Variants in ZBTB7C observed in about 807,000 individuals in gnomAD.
ZBTB7C encodes zinc finger and BTB domain-containing protein 7C.
ZBTB7C carries 8 observed loss-of-function variants against 25.7 expected under a neutral mutation model. The observed-to-expected ratio is 0.31, with a 90% CI of 0.18 to 0.56. The LOEUF is 0.56. ZBTB7C is among the 20% of genes least tolerant of loss of function. ZBTB7C has a pLI of 0.91. For synonymous variants in ZBTB7C, 394 were observed against 369.0 expected, an observed-to-expected ratio of 1.07 and a Z score of -0.78; for missense variants, 824 against 855.2, an observed-to-expected ratio of 0.96 and a Z score of 0.46.
chr18:48,120,118 T>C (rs771859183), intron 3 of ZBTB7C, among the ~76,000 whole-genome samples: 2 of 152,144 alleles, frequency 1.3e-5, no homozygotes, highest in Non-Finnish European at 2.9e-5. Context: ...AGCAAGACCT[T>C]GGGCCACAGT....
chr18:48,131,471 T>G (rs1255905976), intron 3 of ZBTB7C, among the ~76,000 whole-genome samples: 5 of 148,518 alleles, frequency 3.4e-5, no homozygotes, highest in Non-Finnish European at 6.0e-5. Context: ...AGGATAGTTG[T>G]TTTTTTTTTT....
At chr18:48,386,594 A>G (rs2047754550) in intron 1 of ZBTB7C, among the ~76,000 whole-genome samples, 1 of 152,260 alleles carries the variant, frequency 6.6e-6, no homozygotes, top group African/African-American at 2.4e-5. Flanking sequence ...GAGATATACA[A>G]AAACAACCTT....
At chr18:48,308,097 A>G (rs1171691804) in intron 2 of ZBTB7C, among the ~76,000 whole-genome samples, 1 of 152,188 alleles carries the variant, frequency 6.6e-6, no homozygotes, top group Non-Finnish European at 1.5e-5. Context: ...AGGCACCCAA[A>G]AGACACCAGC....
chr18:48,280,576 A>G (rs2044809430), intron 2 of ZBTB7C, among the ~76,000 whole-genome samples: 1 of 152,140 alleles, frequency 6.6e-6, no homozygotes, highest in Admixed American at 6.5e-5. Flanking sequence ...GCTCACAGTC[A>G]TCTGCACAAC....
chr18:48,316,115 G>GCCACCCCACA (rs2045942175), intron 2 of ZBTB7C, among the ~76,000 whole-genome samples: 1 of 151,884 alleles, frequency 6.6e-6, no homozygotes, highest in Admixed American at 6.6e-5. Context: ...GCTCCTGCTG[G>GCCACCCCACA]GCTTAAAAGA....
At chr18:48,103,563 C>A (rs1353738885) in intron 3 of ZBTB7C, among the ~76,000 whole-genome samples, 1 of 152,146 alleles carries the variant, frequency 6.6e-6, no homozygotes, top group Non-Finnish European at 1.5e-5. Context: ...GGTAGAATGA[C>A]CTAGCAATCT....
rs763146017 is a variant in ZBTB7C, at chr18:48,029,678, C to T, written c.1442G>A (p.Arg481His). The T allele has an allele frequency of 1.9e-6, 3 of 1,572,850 alleles. No homozygotes were observed. Among genetic ancestry groups the T allele is most frequent in the South Asian group, 1.1e-5 (1 of 87,840 alleles). ...GGCGGCCCTCCACGCAGCAGGCTTG[C>T]GGCCGCGTCGGGGCCGTGCCATGCG... ...SCRMARPRRG[R>H]KPAAWRAASL... is the part of the protein sequence containing the mutation. The change falls in exon 5 of 5, where the codon CGC (arginine) becomes CAC (histidine). Residue 481 changes from arginine to histidine, a missense_variant. By Grantham distance (29) the Arg-to-His change is conservative (BLOSUM62 0). Around this residue, in one of 4 missense-constraint regions of ZBTB7C, gnomAD observed 342 missense variants for 307.0 expected, o/e 1.11. Transcript: ENST00000590800.
intron 3 of ZBTB7C, among the ~76,000 whole-genome samples, chr18:48,057,060 A>AAC (rs2036944558): frequency 1.3e-5 from 2 of 151,090 alleles, no homozygotes; most frequent in African/African-American, 4.8e-5. Context: ...CAAAAAAAAA[A>AAC]AAAAAAAAAA....
At chr18:48,406,116 G>A (rs561745484) in intron 1 of ZBTB7C, among the ~76,000 whole-genome samples, 14 of 152,200 alleles carry the variant, frequency 9.2e-5, no homozygotes, top group African/African-American at 3.4e-4. Context: ...GACTCCTTCA[G>A]CCCTACACAG....
chr18:48,076,997 A>T (rs545913699), intron 3 of ZBTB7C: 1 of 984,736 alleles, frequency 1.0e-6, no homozygotes, highest in East Asian at 1.1e-4. Context: ...GACAGCACCT[A>T]AGTTCCCTTC....
At chr18:48,117,099 C>T (rs913034632) in intron 3 of ZBTB7C, among the ~76,000 whole-genome samples, 4 of 152,144 alleles carry the variant, frequency 2.6e-5, no homozygotes, top group Non-Finnish European at 5.9e-5. Flanking sequence ...ACCTGCTGCC[C>T]ACCCCCAAGG....
chr18:48,333,456 C>T lies in ZBTB7C; in HGVS notation c.-79+4718G>A, dbSNP rs190480510. On this transcript the variant is annotated intron_variant, in intron 2 of 4. Coordinates refer to ENST00000590800, the MANE Select transcript of ZBTB7C (RefSeq NM_001318841.2). ...GAAACAGGATTAAATCATTGCAGTA[C>T]AGACTCTCATGCCCATTTAATAGAG... Among the ~76,000 whole-genome samples, 76 of 152,274 alleles carry T rather than the reference C, an allele frequency of 5.0e-4. 1 individual carries two copies. The highest frequency in any genetic ancestry group is 1.8e-3 in the African/African-American group (73 of 41,552).
At chr18:48,165,468 G>A in intron 3 of ZBTB7C, 1 of 295,526 alleles carries the variant, frequency 3.4e-6, no homozygotes, top group South Asian at 3.0e-5. Flanking sequence ...TTAGGGATCA[G>A]ACTCCCAAAC....
At chr18:48,348,225 G>A (rs72913584) in intron 1 of ZBTB7C, among the ~76,000 whole-genome samples, 1 of 152,180 alleles carries the variant, frequency 6.6e-6, no homozygotes, top group Admixed American at 6.5e-5. Flanking sequence ...AGGAGCCAGA[G>A]CAGAAGGCAA....
At chr18:48,253,634 G>A (rs2043934210) in intron 2 of ZBTB7C, among the ~76,000 whole-genome samples, 1 of 152,170 alleles carries the variant, frequency 6.6e-6, no homozygotes, top group Non-Finnish European at 1.5e-5. Context: ...GAGCACCAGA[G>A]AGAAGAGAGA....
chr18:48,400,451 C>A (rs917043919), intron 1 of ZBTB7C, among the ~76,000 whole-genome samples: 2 of 152,232 alleles, frequency 1.3e-5, no homozygotes, highest in African/African-American at 4.8e-5. Flanking sequence ...AAACTATATG[C>A]CTATCAGTGG....
intron 1 of ZBTB7C, among the ~76,000 whole-genome samples, chr18:48,359,351 T>A (rs1267413462): frequency 8.3e-6 from 1 of 120,338 alleles, no homozygotes; most frequent in Admixed American, 8.5e-5. Context: ...ATGAAGATGA[T>A]CAAAACATGA....
intron 2 of ZBTB7C, among the ~76,000 whole-genome samples, chr18:48,285,012 G>A (rs1045525542): frequency 6.6e-6 from 1 of 152,196 alleles, no homozygotes; most frequent in African/African-American, 2.4e-5. Context: ...AATGTGGGCT[G>A]CATGATGTTG....
chr18:48,288,849 T>C (rs919844925), intron 2 of ZBTB7C, among the ~76,000 whole-genome samples: 2 of 152,190 alleles, frequency 1.3e-5, no homozygotes, highest in African/African-American at 4.8e-5. Flanking sequence ...TTATTGTTTA[T>C]AAACTACCTA....
Sources: gnomAD v4.1 joint callset for allele counts (sites outside exome capture counted in the v4.1 genomes callset) on GRCh38, gnomAD v4.1.1 for gene constraint, gnomAD v4.1.1 regional missense constraint, MANE v1.5 for transcripts, NCBI Gene and HGNC (gene_info 2026-07-23, HGNC 2026-07-21) for gene names.